Variants in NRXN1 observed in about 807,000 individuals in gnomAD.
NRXN1 encodes the protein neurexin 1.
In NRXN1, 39 loss-of-function variants were observed where a neutral mutation model predicts 150.9. The ratio of observed to expected loss-of-function variants is 0.26; its 90% CI spans 0.20 to 0.34. NRXN1 has a LOEUF of 0.34. NRXN1 is among the 10% of genes least tolerant of loss of function. The pLI is 1.00. For synonymous variants in NRXN1, 924 were observed against 757.0 expected (o/e 1.22, Z -3.62); for missense variants, 1,815 against 1,949.9 (o/e 0.93, Z 1.30).
intron 11 of NRXN1, among the ~76,000 whole-genome samples, chr2:50,529,483 A>G (rs1216907778): frequency 6.6e-6 from 1 of 152,202 alleles, no homozygotes; most frequent in African/African-American, 2.4e-5. Context: ...CTGTAATTAT[A>G]GTGGTTATTT....
In NRXN1 at chr2:50,315,234, C is replaced by T. The variant is rs549946159; in HGVS notation, c.3365-78264G>A. On this transcript the variant is annotated intron_variant, in intron 17 of 22. Coordinates refer to ENST00000401669, the MANE Select transcript of NRXN1 (RefSeq NM_001330078.2). ...ATTGAGGTTCTGGCAACTAAAACTG[C>T]ACAGGCAGCAGCTCCGTTTTTCTCA... Among the ~76,000 whole-genome samples the T allele has an allele frequency of 4.9e-4, 74 of 152,096 alleles. No homozygotes were observed. The South Asian group carries it at 8.3e-3, about 17-fold the overall frequency.
intron 5 of NRXN1, among the ~76,000 whole-genome samples, chr2:50,825,166 C>T (rs1236491373): frequency 6.6e-6 from 1 of 152,072 alleles, no homozygotes. Flanking sequence ...GAATTGTAAC[C>T]GGGAAGAAGA....
intron 5 of NRXN1, among the ~76,000 whole-genome samples, chr2:50,684,666 G>A (rs767619099): frequency 3.3e-5 from 5 of 152,024 alleles, no homozygotes; most frequent in Non-Finnish European, 5.9e-5. Context: ...ACTGATAATC[G>A]CTAAGCAACT....
At chr2:50,542,678 T>C (rs1369264969) in intron 9 of NRXN1, among the ~76,000 whole-genome samples, 1 of 152,204 alleles carries the variant, frequency 6.6e-6, no homozygotes, top group Non-Finnish European at 1.5e-5. Flanking sequence ...GTAAAAATGG[T>C]TAGAATTAAT....
intron 18 of NRXN1, among the ~76,000 whole-genome samples, chr2:50,151,355 A>C (rs954472032): frequency 4.0e-5 from 6 of 150,666 alleles, no homozygotes; most frequent in African/African-American, 1.5e-4. Context: ...AAAGACAGTT[A>C]CATTTCAGAC....
intron 17 of NRXN1, among the ~76,000 whole-genome samples, chr2:50,464,819 A>C (rs1032262049): frequency 6.6e-6 from 1 of 151,832 alleles, no homozygotes; most frequent in African/African-American, 2.4e-5. Context: ...TCAAACCCTC[A>C]CTGCTGTGAT....
At chr2:49,997,623 A>T (rs1683213288) in intron 21 of NRXN1, among the ~76,000 whole-genome samples, 1 of 152,158 alleles carries the variant, frequency 6.6e-6, no homozygotes, top group Non-Finnish European at 1.5e-5. Flanking sequence ...ATCCTAACAT[A>T]GCCTTTGGCT....
intron 2 of NRXN1, among the ~76,000 whole-genome samples, chr2:50,937,883 G>T (rs1688780777): frequency 6.6e-6 from 1 of 152,098 alleles, no homozygotes; most frequent in African/African-American, 2.4e-5. Flanking sequence ...CCTTGTGCAA[G>T]CATAATAGGG....
At chr2:50,577,995 AG>A (rs540957334) in intron 8 of NRXN1, among the ~76,000 whole-genome samples, 114 of 152,296 alleles carry the variant, frequency 7.5e-4, no homozygotes, top group African/African-American at 2.7e-3. Context: ...ATTAAAAGCT[AG>A]GAAAATTGAC....
chr2:50,619,237 C>T (rs1160993829), intron 8 of NRXN1: 1 of 152,098 alleles, frequency 6.6e-6, no homozygotes, highest in African/African-American at 2.4e-5. Context: ...TGTAGGCATA[C>T]AATGTAAGAG....
chr2:50,976,849 T>C (rs925749223), intron 2 of NRXN1, among the ~76,000 whole-genome samples: 52 of 152,058 alleles, frequency 3.4e-4, no homozygotes, highest in South Asian at 6.2e-4. Context: ...GACTTTGTTA[T>C]GCATGCTTGG....
At chr2:50,510,892 T>C (rs1159927850) in intron 12 of NRXN1, among the ~76,000 whole-genome samples, 1 of 152,144 alleles carries the variant, frequency 6.6e-6, no homozygotes, top group Non-Finnish European at 1.5e-5. Flanking sequence ...TACAGGCTAA[T>C]GTTATATTAA....
chr2:50,510,735 A>G (rs1452072504), intron 12 of NRXN1, among the ~76,000 whole-genome samples: 1 of 152,138 alleles, frequency 6.6e-6, no homozygotes, highest in African/African-American at 2.4e-5. Flanking sequence ...AGGCAGTAAG[A>G]AGTAGAGAGA....
At chr2:50,159,133 C>A (rs923493703) in intron 18 of NRXN1, among the ~76,000 whole-genome samples, 1 of 151,962 alleles carries the variant, frequency 6.6e-6, no homozygotes, top group Non-Finnish European at 1.5e-5. Context: ...TATACTTTTG[C>A]TGAAATAGCA....
At chr2:50,085,716 A>T (rs553480275) in intron 19 of NRXN1, among the ~76,000 whole-genome samples, 33 of 151,846 alleles carry the variant, frequency 2.2e-4, no homozygotes, top group East Asian at 1.2e-3. Context: ...TTATAAGAAA[A>T]TTTTTTTTAT....
At chr2:50,476,158 A>C (rs1295518523) in intron 15 of NRXN1, among the ~76,000 whole-genome samples, 1 of 152,142 alleles carries the variant, frequency 6.6e-6, no homozygotes, top group African/African-American at 2.4e-5. Flanking sequence ...ACAATACCAA[A>C]AACTCAAAAG....
chr2:49,963,508 A>G (rs1449979464), intron 21 of NRXN1, among the ~76,000 whole-genome samples: 4 of 152,232 alleles, frequency 2.6e-5, no homozygotes, highest in Admixed American at 1.3e-4. Context: ...TACAAGTGAC[A>G]TCTATGATAC....
At chr2:49,985,456 G>T (rs1020033727) in intron 21 of NRXN1, among the ~76,000 whole-genome samples, 3 of 152,082 alleles carry the variant, frequency 2.0e-5, no homozygotes, top group African/African-American at 7.2e-5. Context: ...TGGAAAAGAC[G>T]CTACTATGTT....
intron 5 of NRXN1, among the ~76,000 whole-genome samples, chr2:50,818,731 A>T (rs1669280770): frequency 6.6e-6 from 1 of 152,110 alleles, no homozygotes; most frequent in Non-Finnish European, 1.5e-5. Context: ...TGAAAAGGCA[A>T]TCTATGGAAT....
Sources: gnomAD v4.1 joint callset for allele counts (sites outside exome capture counted in the v4.1 genomes callset) on GRCh38, gnomAD v4.1.1 for gene constraint, MANE v1.5 for transcripts, NCBI Gene and HGNC (gene_info 2026-07-23, HGNC 2026-07-21) for gene names.